Variants in AGBL4 observed in about 807,000 individuals in gnomAD.
AGBL4 encodes AGBL carboxypeptidase 4.
A neutral mutation model predicts 66.4 loss-of-function variants in AGBL4; 58 were observed. The observed-to-expected ratio is 0.87, with a 90% confidence interval of 0.71 to 1.09. The LOEUF (loss-of-function observed/expected upper bound fraction) is 1.09, where lower values mean the gene tolerates loss of function less well. Among genes scored for constraint, AGBL4 ranks in the 50% least tolerant of loss-of-function variants. The pLI is 0.00. For missense variants in AGBL4, 579 were observed against 631.0 expected (o/e 0.92, Z 0.88); for synonymous variants, 234 against 222.9 (o/e 1.05, Z -0.44).
intron 2 of AGBL4, among the ~76,000 whole-genome samples, chr1:49,769,619 A>G (rs191976632): frequency 6.6e-6 from 1 of 152,296 alleles, no homozygotes; most frequent in East Asian, 1.9e-4. Flanking sequence ...ACACAGACAC[A>G]TAGACCAATG....
intron 1 of AGBL4, among the ~76,000 whole-genome samples, chr1:49,942,157 C>T (rs979339692): frequency 1.3e-5 from 2 of 151,896 alleles, no homozygotes; most frequent in South Asian, 2.1e-4. Flanking sequence ...TATTTGTACA[C>T]TGAAAACTAC....
At chr1:48,567,598 TA>T (rs1475805546) in intron 11 of AGBL4, among the ~76,000 whole-genome samples, 1 of 152,044 alleles carries the variant, frequency 6.6e-6, no homozygotes, top group Admixed American at 6.6e-5. Context: ...GACAGGGTAA[TA>T]AAAAAATCCT....
At chr1:48,852,023 T>G (rs1419684086) in intron 6 of AGBL4, among the ~76,000 whole-genome samples, 8 of 147,388 alleles carry the variant, frequency 5.4e-5, no homozygotes, top group Non-Finnish European at 1.0e-4. Flanking sequence ...TACTTTTTTT[T>G]TTTTTTTTTT....
chr1:49,206,867 AG>A (rs1648178704), intron 4 of AGBL4, among the ~76,000 whole-genome samples: 1 of 14,412 alleles, frequency 6.9e-5, no homozygotes, highest in Non-Finnish European at 3.0e-4. Flanking sequence ...GATGGAGAGG[AG>A]AGGAGAGGAG....
At chr1:49,539,137 TA>T (rs1651821160) in intron 3 of AGBL4, among the ~76,000 whole-genome samples, 1 of 152,158 alleles carries the variant, frequency 6.6e-6, no homozygotes, top group South Asian at 2.1e-4. Context: ...GATATGGAAA[TA>T]TATTTATGAC....
chr1:49,785,852 T>C (rs941045495), intron 2 of AGBL4, among the ~76,000 whole-genome samples: 2 of 145,334 alleles, frequency 1.4e-5, no homozygotes, highest in South Asian at 2.2e-4. Flanking sequence ...AAAATCAATA[T>C]GCACAATTTC....
chr1:49,142,345 A>G (rs1190468855), intron 4 of AGBL4, among the ~76,000 whole-genome samples: 1 of 152,180 alleles, frequency 6.6e-6, no homozygotes, highest in Non-Finnish European at 1.5e-5. Context: ...TTCTCAAAAA[A>G]AAACTCAACA....
At chr1:49,937,698 G>C (rs1386665022) in intron 1 of AGBL4, among the ~76,000 whole-genome samples, 1 of 152,104 alleles carries the variant, frequency 6.6e-6, no homozygotes. Flanking sequence ...ATTCAAAACA[G>C]CTCAACTACG....
At chr1:49,178,117 G>A (rs760683191) in intron 4 of AGBL4, among the ~76,000 whole-genome samples, 2 of 152,160 alleles carry the variant, frequency 1.3e-5, no homozygotes, top group Non-Finnish European at 2.9e-5. Context: ...AGGCTTTGGA[G>A]CTAGGCAGAT....
At chr1:48,664,704 G>A (rs1044308177) in intron 6 of AGBL4, among the ~76,000 whole-genome samples, 1 of 152,194 alleles carries the variant, frequency 6.6e-6, no homozygotes, top group Admixed American at 6.5e-5. Flanking sequence ...TGTCTCTGCA[G>A]AAGTCTAATT....
At chr1:48,565,230 C>T (rs1644457850) in intron 11 of AGBL4, among the ~76,000 whole-genome samples, 1 of 152,178 alleles carries the variant, frequency 6.6e-6, no homozygotes, top group South Asian at 2.1e-4. Flanking sequence ...AGAGCTTGAT[C>T]CACTGCAGCA....
intron 4 of AGBL4, among the ~76,000 whole-genome samples, chr1:49,048,103 G>T (rs963885893): frequency 1.3e-5 from 2 of 152,114 alleles, no homozygotes; most frequent in African/African-American, 4.8e-5. Context: ...CCAGCCAAAG[G>T]TCTGTGATAG....
chr1:49,739,953 G>A (rs374956074), intron 2 of AGBL4, among the ~76,000 whole-genome samples: 28 of 152,144 alleles, frequency 1.8e-4, no homozygotes, highest in African/African-American at 6.3e-4. Context: ...AAAACATGTC[G>A]AATTCTAAAG....
chr1:49,085,591 G>A (rs1644891916), intron 4 of AGBL4, among the ~76,000 whole-genome samples: 1 of 151,898 alleles, frequency 6.6e-6, no homozygotes. Context: ...CATTGACTCT[G>A]CAGGGCAATC....
At chr1:49,512,111 G>A (rs1044662196) in intron 3 of AGBL4, among the ~76,000 whole-genome samples, 5 of 151,920 alleles carry the variant, frequency 3.3e-5, no homozygotes, top group African/African-American at 4.8e-5. Flanking sequence ...GTCTTTAGAC[G>A]TAAGAAAAAA....
intron 3 of AGBL4, among the ~76,000 whole-genome samples, chr1:49,388,038 C>G (rs1332660838): frequency 6.6e-6 from 1 of 151,964 alleles, no homozygotes; most frequent in Non-Finnish European, 1.5e-5. Context: ...AAATAATACA[C>G]AAAAAACACA....
intron 3 of AGBL4, among the ~76,000 whole-genome samples, chr1:49,290,676 C>G (rs1644516653): frequency 6.6e-6 from 1 of 152,122 alleles, no homozygotes; most frequent in Admixed American, 6.5e-5. Flanking sequence ...TCAACATGGA[C>G]AGTTTTTCAT....
intron 3 of AGBL4, among the ~76,000 whole-genome samples, chr1:49,360,117 C>G (rs1644107020): frequency 6.6e-6 from 1 of 152,110 alleles, no homozygotes; most frequent in Non-Finnish European, 1.5e-5. Flanking sequence ...AAGCCCATAG[C>G]TTTTTCTGAT....
chr1:49,309,154 A>T (rs1644901251), intron 3 of AGBL4, among the ~76,000 whole-genome samples: 1 of 152,136 alleles, frequency 6.6e-6, no homozygotes, highest in Non-Finnish European at 1.5e-5. Flanking sequence ...TAGGCTCAAC[A>T]TTCTGTGTGA....
Sources: allele counts gnomAD v4.1 joint callset (sites outside exome capture counted in the v4.1 genomes callset), GRCh38; gene constraint gnomAD v4.1.1; transcripts MANE v1.5; gene names NCBI Gene and HGNC (gene_info 2026-07-23, HGNC 2026-07-21).